The following DNAAF4 variants were observed in gnomAD, a reference collection of about 807,000 sequenced individuals.
The protein encoded by DNAAF4 is dynein assembly factor 4, axonemal.
DNAAF4 carries 43 observed loss-of-function variants against 51.8 expected under a neutral mutation model. The observed-to-expected ratio is 0.83, with a 90% confidence interval of 0.65 to 1.07. The LOEUF (loss-of-function observed/expected upper bound fraction) is 1.07, where lower values mean the gene tolerates loss of function less well. Ranked by LOEUF, DNAAF4 falls within the 50% of genes least tolerant of loss-of-function variation. The pLI is 0.00. For synonymous variants in DNAAF4, 194 were observed against 165.6 expected (o/e 1.17, Z -1.32); for missense variants, 581 against 493.0 (o/e 1.18, Z -1.69).
At chr15:55,438,070 A>G (rs2057644566) in intron 7 of DNAAF4, among the ~76,000 whole-genome samples, 1 of 152,196 alleles carries the variant, frequency 6.6e-6, no homozygotes, top group Non-Finnish European at 1.5e-5. Flanking sequence ...GTTTTTGATC[A>G]GTATGTTAAA....
At chr15:55,437,061 C>CCCG (rs1264479625) in intron 7 of DNAAF4, among the ~76,000 whole-genome samples, 2 of 152,128 alleles carry the variant, frequency 1.3e-5, no homozygotes, top group Non-Finnish European at 2.9e-5. Flanking sequence ...AGGTGATCCG[C>CCCG]CCGCCTCAGC....
chr15:55,451,946 T>C (rs1300401477), intron 5 of DNAAF4, among the ~76,000 whole-genome samples: 1 of 151,824 alleles, frequency 6.6e-6, no homozygotes, highest in Non-Finnish European at 1.5e-5. Context: ...TAAATAGTAA[T>C]ACAAAAGAAG....
rs896676364 is a variant in DNAAF4, at chr15:55,467,454, C to T, written c.406-293G>A. ...AGTTTACTTATATGTAAAATGTGGG[C>T]AGGCATTCAATTAGATGATACCTAA... On this transcript the variant is annotated intron_variant, in intron 4 of 9. Transcript: ENST00000321149. Among the ~76,000 whole-genome samples, 5 of 151,966 alleles carry T rather than the reference C, an allele frequency of 3.3e-5. No homozygotes were observed. The South Asian group carries it at 1.0e-3, about 32-fold the overall frequency.
At chr15:55,477,647 TGC>T (rs1055599351) in intron 4 of DNAAF4, among the ~76,000 whole-genome samples, 21 of 94,882 alleles carry the variant, frequency 2.2e-4, no homozygotes, top group Admixed American at 7.7e-4. Context: ...TATGTATGTA[TGC>T]GTGTGTGTGT....
chr15:55,483,247 C>A (rs2058436626), intron 4 of DNAAF4, among the ~76,000 whole-genome samples: 1 of 152,024 alleles, frequency 6.6e-6, no homozygotes, highest in Non-Finnish European at 1.5e-5. Flanking sequence ...CAGATGCACA[C>A]CACCACACCT....
At chr15:55,464,324 A>G (rs1464234837) in intron 5 of DNAAF4, among the ~76,000 whole-genome samples, 2 of 152,246 alleles carry the variant, frequency 1.3e-5, no homozygotes, top group African/African-American at 2.4e-5. Flanking sequence ...CAAAGACTTA[A>G]GTCTAAGACC....
intron 7 of DNAAF4, 87 bp downstream of exon 7, chr15:55,439,385 C>T (rs556028713): frequency 5.7e-4 from 659 of 1,156,390 alleles, no homozygotes; most frequent in Non-Finnish European, 7.8e-4. Context: ...GCTGGGATTA[C>T]AGGCATGAGC....
At chr15:55,424,850 C>T (rs1000943133) in intron 7 of DNAAF4, among the ~76,000 whole-genome samples, 6 of 151,732 alleles carry the variant, frequency 4.0e-5, no homozygotes, top group African/African-American at 9.7e-5. Flanking sequence ...CGTGAGACCC[C>T]GTGCCCGGCT....
At chr15:55,489,739 A>C (rs1475323977) in intron 4 of DNAAF4, among the ~76,000 whole-genome samples, 4 of 152,030 alleles carry the variant, frequency 2.6e-5, no homozygotes, top group African/African-American at 9.7e-5. Flanking sequence ...TTGGAATCAT[A>C]AACTGTTGAT....
chr15:55,435,790 T>A (rs1380207131), intron 7 of DNAAF4, among the ~76,000 whole-genome samples: 1 of 149,754 alleles, frequency 6.7e-6, no homozygotes, highest in Non-Finnish European at 1.5e-5. Context: ...TGCTTTTTTT[T>A]GTTTGTTTGT....
At chr15:55,501,320 C>T (rs544628704) in intron 1 of DNAAF4, among the ~76,000 whole-genome samples, 41 of 151,024 alleles carry the variant, frequency 2.7e-4, no homozygotes, top group African/African-American at 9.2e-4. Context: ...CCTCGGCCTC[C>T]CAAAGTGCTG....
chr15:55,471,639 G>A (rs570015397), intron 4 of DNAAF4, among the ~76,000 whole-genome samples: 7 of 151,014 alleles, frequency 4.6e-5, no homozygotes, highest in South Asian at 2.1e-4. Flanking sequence ...TCAGCCTCCC[G>A]AGTAGCTGGG....
chr15:55,452,998 T>C (rs2057959819), intron 5 of DNAAF4, among the ~76,000 whole-genome samples: 2 of 152,116 alleles, frequency 1.3e-5, no homozygotes, highest in South Asian at 4.1e-4. Context: ...GCTAATTTTT[T>C]TGTATTTTTA....
intron 3 of DNAAF4, among the ~76,000 whole-genome samples, chr15:55,493,860 A>T (rs1047319324): frequency 5.9e-5 from 9 of 151,358 alleles, no homozygotes; most frequent in African/African-American, 2.2e-4. Context: ...ACATGCCACT[A>T]TGCCCGGCTA....
In DNAAF4 at chr15:55,503,102, G is replaced by A. The variant is rs182350704; in HGVS notation, c.-255-4518C>T. Among the ~76,000 whole-genome samples the A allele has an allele frequency of 3.8e-3, 573 of 151,840 alleles. 5 individuals carry two copies. The Middle Eastern group carries it at 0.051, about 14-fold the overall frequency. On this transcript the variant is annotated intron_variant, in intron 1 of 9. Coordinates refer to ENST00000321149, the MANE Select transcript of DNAAF4 (RefSeq NM_130810.4). ...AAATGATAAACGGGATATCACCACC[G>A]ATACCACAGAAATACAAACTACCAT...
intron 1 of DNAAF4, among the ~76,000 whole-genome samples, chr15:55,503,655 C>T (rs1305525228): frequency 6.6e-6 from 1 of 152,140 alleles, no homozygotes; most frequent in African/African-American, 2.4e-5. Context: ...ATCACATAAA[C>T]AGAACCAAAG....
intron 5 of DNAAF4, among the ~76,000 whole-genome samples, chr15:55,457,604 C>T (rs977799185): frequency 1.3e-5 from 2 of 152,162 alleles, no homozygotes; most frequent in African/African-American, 4.8e-5. Flanking sequence ...GCCCAACGAA[C>T]TCAAGCCACC....
chr15:55,418,460 G>C, intron 7 of DNAAF4: 1 of 1,522,878 alleles, frequency 6.6e-7, no homozygotes. Context: ...AAAGGAGCAA[G>C]TATTTTCAAG....
At chr15:55,471,605 C>G (rs1413346375) in intron 4 of DNAAF4, among the ~76,000 whole-genome samples, 1 of 151,108 alleles carries the variant, frequency 6.6e-6, no homozygotes, top group Non-Finnish European at 1.5e-5. Flanking sequence ...GCTCCACCTC[C>G]CGGGTTCATG....
Sources: allele counts gnomAD v4.1 joint callset (sites outside exome capture counted in the v4.1 genomes callset), GRCh38; gene constraint gnomAD v4.1.1; transcripts MANE v1.5; gene names NCBI Gene and HGNC (gene_info 2026-07-23, HGNC 2026-07-21).